Variants in CDH22 observed in about 807,000 individuals in gnomAD.
The protein encoded by CDH22 is cadherin 22.
Under a neutral mutation model 58.4 loss-of-function variants are expected in CDH22, and 30 were observed. The ratio of observed to expected loss-of-function variants is 0.51; its 90% confidence interval spans 0.38 to 0.70. The LOEUF (loss-of-function observed/expected upper bound fraction) is 0.70, where lower values mean the gene tolerates loss of function less well. CDH22 is among the 30% of genes least tolerant of loss of function. CDH22 has a pLI of 0.00. For synonymous variants in CDH22, 513 were observed against 558.2 expected, an observed-to-expected ratio of 0.92 and a Z score of 1.14; for missense variants, 1,014 against 1,233.9, an observed-to-expected ratio of 0.82 and a Z score of 2.67.
chr20:46,213,205 C>T lies in CDH22; in HGVS notation c.839-17G>A, dbSNP rs1439830083. 2 of 1,612,348 alleles carry T rather than the reference C, an allele frequency of 1.2e-6. No individual in the cohort carries two copies. The highest frequency in any genetic ancestry group is 2.2e-5 in the South Asian group (2 of 90,976). On this transcript the variant is annotated splice_polypyrimidine_tract_variant and intron_variant, in intron 5 of 11. Transcript: ENST00000537909. Reference sequence around the variant, plus strand: ...GGTACATCTCTGTGGGGGACACGGCCATGAGCAGGGATGAAGGCAGCCCCT... The same window carrying T: ...GGTACATCTCTGTGGGGGACACGGCTATGAGCAGGGATGAAGGCAGCCCCT...
At chr20:46,231,907 T>C (rs930004639) in intron 3 of CDH22, among the ~76,000 whole-genome samples, 6 of 152,190 alleles carry the variant, frequency 3.9e-5, no homozygotes, top group Non-Finnish European at 8.8e-5. Context: ...TCTGAGCCTC[T>C]GAGCTGCTAT....
At chr20:46,302,922 A>G (rs901393764) in intron 1 of CDH22, among the ~76,000 whole-genome samples, 4 of 151,980 alleles carry the variant, frequency 2.6e-5, no homozygotes, top group African/African-American at 9.7e-5. Flanking sequence ...TTCCACTCCC[A>G]CAACCCTCAC....
At chr20:46,272,110 TAA>T (rs945335566) in intron 1 of CDH22, among the ~76,000 whole-genome samples, 5 of 152,204 alleles carry the variant, frequency 3.3e-5, no homozygotes, top group Non-Finnish European at 7.3e-5. Context: ...GGCAATCTAT[TAA>T]GTCTGGTCCA....
At chr20:46,182,582 G>C (rs1187261588) in intron 10 of CDH22, among the ~76,000 whole-genome samples, 2 of 152,146 alleles carry the variant, frequency 1.3e-5, no homozygotes, top group African/African-American at 4.8e-5. Context: ...CCCCATGAAG[G>C]GGAATCCCCA....
chr20:46,197,573 G>A (rs1321096013), intron 8 of CDH22, among the ~76,000 whole-genome samples: 1 of 152,106 alleles, frequency 6.6e-6, no homozygotes, highest in African/African-American at 2.4e-5. Flanking sequence ...CCAGCAGCCA[G>A]GCCAGTCCTC....
chr20:46,279,202 G>A (rs1403100905), intron 1 of CDH22, among the ~76,000 whole-genome samples: 5 of 152,176 alleles, frequency 3.3e-5, no homozygotes, highest in Non-Finnish European at 7.3e-5. Flanking sequence ...GCAAAAGCTC[G>A]GTATATTATA....
chr20:46,260,488 C>A lies in CDH22; in HGVS notation c.-399-8795G>T, dbSNP rs368289443. Among the ~76,000 whole-genome samples, 5 of 152,346 alleles carry A rather than the reference C, an allele frequency of 3.3e-5. No homozygotes were observed. The East Asian group carries it at 5.8e-4, about 18-fold the overall frequency. ...TGGCAAACTTCCGAAGGACAAAGAC[C>A]TCACCTACTCCTTCTTCCATCCCTT... On this transcript the variant is annotated intron_variant, in intron 1 of 11. Coordinates refer to ENST00000537909, the MANE Select transcript of CDH22 (RefSeq NM_021248.3).
chr20:46,288,938 CAT>C (rs2145774757), intron 1 of CDH22, among the ~76,000 whole-genome samples: 1 of 152,330 alleles, frequency 6.6e-6, no homozygotes, highest in South Asian at 2.1e-4. Context: ...GGTGTTAAAA[CAT>C]AAATCAGGCC....
intron 7 of CDH22, among the ~76,000 whole-genome samples, chr20:46,206,862 C>T (rs1027219972): frequency 2.0e-5 from 3 of 152,208 alleles, no homozygotes; most frequent in Non-Finnish European, 4.4e-5. Context: ...CAACTCAATG[C>T]GGAGTTGCTG....
Position 46,174,730 on chromosome 20 carries a change from C to A in CDH22, c.2263G>T (p.Val755Leu), listed in dbSNP as rs1378129270. The part of the protein sequence containing the change: ...SVFRDFISRK[V>L]ALADGDLSVP... The stretch of plus-strand genomic sequence containing the variant: ...GACAGGTCCCCGTCCGCCAGTGCCA[C>A]CTTGCGGCTGATGAAGTCCCTGAAC... Residue 755 changes from valine (V) to leucine (L), a missense_variant, in exon 12 of 12, where the codon GTG becomes TTG. By Grantham distance (32) the Val-to-Leu change is conservative. Around this residue, in one of 2 missense-constraint regions of CDH22, gnomAD observed 208 missense variants for 195.2 expected, o/e 1.07. Coordinates refer to ENST00000537909, the MANE Select transcript of CDH22 (RefSeq NM_021248.3). The surrounding 1 kb of genome is among the most constrained non-coding windows in gnomAD (Gnocchi z 4.4). 6.4e-7 allele frequency: 1 copy of A among 1,554,956 alleles called. No homozygotes were observed. The highest frequency in any genetic ancestry group is 8.6e-7 in the Non-Finnish European group (1 of 1,157,852).
intron 1 of CDH22, among the ~76,000 whole-genome samples, chr20:46,276,304 A>T (rs971282343): frequency 6.6e-6 from 1 of 152,228 alleles, no homozygotes; most frequent in African/African-American, 2.4e-5. Context: ...CAAGGGAGTG[A>T]CAGTGATTAG....
At position 46,251,914 on chromosome 20, in the gene CDH22, G is replaced by A. The variant is rs1293903950; in HGVS notation, c.-399-221C>T. On this transcript the variant is annotated intron_variant, in intron 1 of 11. Coordinates refer to ENST00000537909, the MANE Select transcript of CDH22 (RefSeq NM_021248.3). This position sits in a 1 kb window ranked among gnomAD's most constrained non-coding sequence, Gnocchi z 6.7. ...ACATCGCAGCCTCTCCTTTCACCTG[G>A]CATCATACGCCCTGTACTCCCAATC... 1.3e-5 allele frequency among the ~76,000 whole-genome samples: 2 copies of A among 151,860 alleles called. No homozygotes were observed. The highest frequency in any genetic ancestry group is 4.8e-5 in the African/African-American group (2 of 41,288).
At chr20:46,295,254 T>C (rs1448524268) in intron 1 of CDH22, among the ~76,000 whole-genome samples, 2 of 152,166 alleles carry the variant, frequency 1.3e-5, no homozygotes, top group Non-Finnish European at 2.9e-5. Flanking sequence ...GTTTTTGCTT[T>C]GAGAATATCC....
At chr20:46,202,906 C>A (rs1161924225) in intron 7 of CDH22, among the ~76,000 whole-genome samples, 1 of 151,894 alleles carries the variant, frequency 6.6e-6, no homozygotes, top group Non-Finnish European at 1.5e-5. Flanking sequence ...GGCTTCTGAT[C>A]CCTCGTCAGG....
rs1228083027 is a variant in CDH22 at position 46,174,491 on chromosome 20, C to T, written c.*15G>A. On this transcript the variant is annotated 3_prime_UTR_variant, in exon 12 of 12. Transcript: ENST00000537909. This position sits in a 1 kb window ranked among gnomAD's most constrained non-coding sequence, Gnocchi z 4.4. ...GGGCGGGTGAGCAGCCGCGCCCCGA[C>T]GGCAGGGCGAGGGGCTAGGAGGCCT... is the stretch of plus-strand genomic sequence containing the variant. 3 of 1,458,194 alleles carry T rather than the reference C, an allele frequency of 2.1e-6. No individual in the cohort carries two copies. Among genetic ancestry groups the T allele is most frequent in the Non-Finnish European group, 2.7e-6 (3 of 1,112,320 alleles). The allele number at this position is 1,458,194 out of a possible 1,614,324, so 90.3% of individuals were successfully genotyped here.
At chr20:46,211,836 G>A (rs1250262833) in intron 6 of CDH22, among the ~76,000 whole-genome samples, 1 of 151,882 alleles carries the variant, frequency 6.6e-6, no homozygotes, top group Non-Finnish European at 1.5e-5. Context: ...CCCTGAGCCC[G>A]TATCCCTACT....
chr20:46,232,408 C>CTTTATCA (rs1325723399), intron 3 of CDH22, among the ~76,000 whole-genome samples: 1 of 152,172 alleles, frequency 6.6e-6, no homozygotes, highest in Non-Finnish European at 1.5e-5. Context: ...GGAGATAACA[C>CTTTATCA]TTTATCATTC....
chr20:46,206,797 C>T (rs1473370838), intron 7 of CDH22, among the ~76,000 whole-genome samples: 1 of 152,206 alleles, frequency 6.6e-6, no homozygotes, highest in African/African-American at 2.4e-5. Flanking sequence ...TCCACGTGGG[C>T]AGGGATCCTG....
chr20:46,304,918 C>G (rs2086667619), intron 1 of CDH22, among the ~76,000 whole-genome samples: 1 of 152,214 alleles, frequency 6.6e-6, no homozygotes, highest in African/African-American at 2.4e-5. Context: ...CCCCCTCCTC[C>G]AGGCAGGCAC....
Sources: allele counts gnomAD v4.1 joint callset (sites outside exome capture counted in the v4.1 genomes callset), GRCh38; gene constraint gnomAD v4.1.1; regional missense constraint gnomAD v4.1.1; non-coding constraint Gnocchi (gnomAD v3.1); transcripts MANE v1.5; gene names NCBI Gene and HGNC (gene_info 2026-07-23, HGNC 2026-07-21).